LNX1: variants seen among roughly 807,000 people sequenced by gnomAD.
The protein encoded by LNX1 is E3 ubiquitin-protein ligase LNX.
Under a neutral mutation model 68.4 loss-of-function variants are expected in LNX1, and 54 were observed. That is an observed-to-expected ratio of 0.79 (90% CI 0.63 to 0.99). LNX1 has a LOEUF of 0.99. Ranked by LOEUF, LNX1 falls within the 50% of genes least tolerant of loss-of-function variation. The probability of loss-of-function intolerance (pLI) is 0.00; values close to 1 mark genes in which losing one functional copy is unlikely to be tolerated. For missense variants in LNX1, 906 were observed against 926.4 expected, an observed-to-expected ratio of 0.98 and a Z score of 0.29; for synonymous variants, 336 against 350.0, an observed-to-expected ratio of 0.96 and a Z score of 0.45.
chr4:53,481,361 GCCAGAAAC>G (rs1723903201), intron 7 of LNX1, among the ~76,000 whole-genome samples: 1 of 152,168 alleles, frequency 6.6e-6, no homozygotes, highest in African/African-American at 2.4e-5. Context: ...AAATTCAAAA[GCCAGAAAC>G]CAGGCAAACT....
intron 1 of LNX1, among the ~76,000 whole-genome samples, chr4:53,624,521 T>A (rs938335751): frequency 5.0e-4 from 76 of 152,312 alleles, no homozygotes; most frequent in African/African-American, 1.8e-3. Flanking sequence ...TTTTTCTTTA[T>A]AAATTACCCA....
chr4:53,648,733 G>A (rs146807256), intron 1 of LNX1, among the ~76,000 whole-genome samples: 2 of 152,310 alleles, frequency 1.3e-5, no homozygotes, highest in African/African-American at 2.4e-5. Context: ...CTGGAGAAAG[G>A]CCACTAAGTC....
intron 1 of LNX1, among the ~76,000 whole-genome samples, chr4:53,637,505 G>A (rs1182045366): frequency 1.3e-5 from 2 of 152,064 alleles, no homozygotes; most frequent in Admixed American, 1.3e-4. Flanking sequence ...CACTACACCT[G>A]TCATTTCACA....
At chr4:53,513,629 T>C (rs1260320164) in intron 2 of LNX1, among the ~76,000 whole-genome samples, 1 of 152,254 alleles carries the variant, frequency 6.6e-6, no homozygotes, top group African/African-American at 2.4e-5. Context: ...CCTTGATTTC[T>C]TTCTTTCTCT....
chr4:53,483,851 T>G (rs1514388), intron 6 of LNX1, among the ~76,000 whole-genome samples: 141,647 of 152,026 alleles, frequency 0.93, 66,576 homozygotes, highest in East Asian at 1. Context: ...CAGACAATGG[T>G]GGTGGAGATA....
intron 5 of LNX1, among the ~76,000 whole-genome samples, chr4:53,498,438 GGA>G (rs908960326): frequency 2.0e-5 from 3 of 151,712 alleles, no homozygotes; most frequent in Non-Finnish European, 4.4e-5. Flanking sequence ...GAGAAAGGGG[GGA>G]GAGAGTGAAA....
chr4:53,511,140 C>T (rs6856534), intron 2 of LNX1, among the ~76,000 whole-genome samples: 146,155 of 152,274 alleles, frequency 0.96, 70,432 homozygotes, highest in East Asian at 1. Context: ...TTCAGACTCA[C>T]GTGCTTTGTG....
chr4:53,542,936 G>A (rs370707109), intron 2 of LNX1, among the ~76,000 whole-genome samples: 1 of 152,290 alleles, frequency 6.6e-6, no homozygotes, highest in Admixed American at 6.5e-5. Context: ...CTCCTCTAAC[G>A]TGGTTCTCAC....
rs1560623246 is a variant in LNX1 at position 53,489,197 on chromosome 4, G to A, written c.1350+6826C>T. On this transcript the variant is annotated intron_variant, in intron 6 of 10. Coordinates refer to ENST00000263925, the MANE Select transcript of LNX1 (RefSeq NM_001126328.3). The stretch of plus-strand genomic sequence containing the variant: ...CAATGAGCTAAAAGCAATCAGTCTG[G>A]CCAAGGAGAGAGAAAATTAAGGAGG... Among the ~76,000 whole-genome samples, 4 of 152,110 alleles carry A rather than the reference G, an allele frequency of 2.6e-5. No individual in the cohort carries two copies. The South Asian group carries it at 8.3e-4, about 32-fold the overall frequency.
chr4:53,559,870 C>A (rs997422374), intron 2 of LNX1, among the ~76,000 whole-genome samples: 1 of 151,942 alleles, frequency 6.6e-6, no homozygotes, highest in African/African-American at 2.4e-5. Context: ...CTATGTTGCC[C>A]AGGCTGGTCT....
intron 2 of LNX1, among the ~76,000 whole-genome samples, chr4:53,551,187 C>T (rs1241339294): frequency 6.6e-6 from 1 of 152,170 alleles, no homozygotes; most frequent in East Asian, 1.9e-4. Flanking sequence ...CTGCCCATAA[C>T]TCTTACCGCT....
At position 53,459,456 on chromosome 4, in the gene LNX1, T is replaced by C. The variant is rs1334433637; in HGVS notation, c.*1451A>G. The C allele has an allele frequency of 2.5e-6, 4 of 1,613,274 alleles. No individual in the cohort carries two copies. In the African/African-American group the frequency reaches 5.3e-5, roughly 22 times the overall value. On this transcript the variant is annotated 3_prime_UTR_variant, in exon 11 of 11. Coordinates refer to ENST00000263925, the MANE Select transcript of LNX1 (RefSeq NM_001126328.3). ...AGCTACACCTGCAGAATAGGCATGGTTTTGGCCTTTTGTGTATATTAGTAC... is the reference window on the plus strand; with the variant it reads ...AGCTACACCTGCAGAATAGGCATGGCTTTGGCCTTTTGTGTATATTAGTAC...
chr4:53,568,188 A>G (rs1333007965), intron 2 of LNX1, among the ~76,000 whole-genome samples: 1 of 151,892 alleles, frequency 6.6e-6, no homozygotes, highest in South Asian at 2.1e-4. Context: ...GCAGAGACAC[A>G]ACCAAAAAAG....
intron 2 of LNX1, among the ~76,000 whole-genome samples, chr4:53,547,118 G>A (rs547869220): frequency 5.3e-5 from 8 of 152,266 alleles, no homozygotes; most frequent in South Asian, 2.1e-4. Flanking sequence ...TCAAATCGAA[G>A]ACTATGTCTA....
chr4:53,581,095 C>A (rs1384352229), intron 1 of LNX1, among the ~76,000 whole-genome samples: 2 of 152,154 alleles, frequency 1.3e-5, no homozygotes, highest in East Asian at 3.9e-4. Flanking sequence ...CCCCACCCCA[C>A]CCCCAAAAGA....
chr4:53,519,638 C>T (rs1380818321), intron 2 of LNX1, among the ~76,000 whole-genome samples: 1 of 130,664 alleles, frequency 7.7e-6, no homozygotes, highest in Admixed American at 8.4e-5. Context: ...TTGATTTAAG[C>T]CCTGTGTCTG....
chr4:53,622,316 T>G (rs1272460422), upstream of LNX1, among the ~76,000 whole-genome samples: 4 of 152,178 alleles, frequency 2.6e-5, no homozygotes, highest in African/African-American at 9.6e-5. Context: ...CCTATTGACT[T>G]TTCAAAGTGC....
chr4:53,467,678 G>T (rs1488538808), intron 9 of LNX1, among the ~76,000 whole-genome samples: 1 of 152,180 alleles, frequency 6.6e-6, no homozygotes. Flanking sequence ...CACGGCACGA[G>T]AACTATGTGA....
At chr4:53,551,250 C>T (rs764348485) in intron 2 of LNX1, among the ~76,000 whole-genome samples, 2 of 152,102 alleles carry the variant, frequency 1.3e-5, no homozygotes, top group Non-Finnish European at 2.9e-5. Context: ...GGTAGTTAGA[C>T]AGACATGAGG....
Sources: gnomAD v4.1 joint callset for allele counts (sites outside exome capture counted in the v4.1 genomes callset) on GRCh38, gnomAD v4.1.1 for gene constraint, MANE v1.5 for transcripts, NCBI Gene and HGNC (gene_info 2026-07-23, HGNC 2026-07-21) for gene names.